Variants in TRAF3IP2 observed in about 807,000 individuals in gnomAD.
TRAF3IP2 encodes TRAF3 interacting protein 2, also known as E3 ubiquitin ligase TRAF3IP2.
Under a neutral mutation model 57.9 loss-of-function variants are expected in TRAF3IP2, and 35 were observed. That is an observed-to-expected ratio of 0.60 (90% CI 0.46 to 0.80). The LOEUF (loss-of-function observed/expected upper bound fraction) is 0.80, where lower values mean the gene tolerates loss of function less well. Among genes scored for constraint, TRAF3IP2 ranks in the 30% least tolerant of loss-of-function variants. TRAF3IP2 has a pLI of 0.00. For synonymous variants in TRAF3IP2, 251 were observed against 268.9 expected (o/e 0.93, Z 0.65); for missense variants, 556 against 706.4 (o/e 0.79, Z 2.41).
At chr6:111,580,113 A>C in intron 3 of TRAF3IP2, 84 bp downstream of exon 3, 9 of 1,501,380 alleles carry the variant, frequency 6.0e-6, no homozygotes, top group African/African-American at 1.4e-5. Flanking sequence ...GCAAACCTAT[A>C]GAGAATTCTG....
chr6:111,577,708 TTTTG>T (rs970725128), intron 3 of TRAF3IP2, among the ~76,000 whole-genome samples: 5 of 149,800 alleles, frequency 3.3e-5, no homozygotes, highest in Admixed American at 2.0e-4. Flanking sequence ...TGTGTGTGTG[TTTTG>T]TTTGTTTTTT....
intron 2 of TRAF3IP2, among the ~76,000 whole-genome samples, chr6:111,581,158 T>C (rs1021561066): frequency 1.3e-5 from 2 of 152,182 alleles, no homozygotes; most frequent in African/African-American, 4.8e-5. Flanking sequence ...GAGTTAAGCA[T>C]AGGAGAGACC....
chr6:111,566,650 C>T (rs1795649184), intron 6 of TRAF3IP2, 90 bp from the exon 7 acceptor site: 3 of 1,103,344 alleles, frequency 2.7e-6, no homozygotes, highest in Admixed American at 3.4e-5. Context: ...GGGCCAGGCT[C>T]ATTCTCCATA....
chr6:111,582,750 G>A (rs1796206659), intron 2 of TRAF3IP2, among the ~76,000 whole-genome samples: 1 of 152,138 alleles, frequency 6.6e-6, no homozygotes, highest in Non-Finnish European at 1.5e-5. Context: ...GCTGTAGCTA[G>A]AACCGTCTTG....
intron 1 of TRAF3IP2, chr6:111,594,524 TG>T: frequency 2.2e-6 from 1 of 453,066 alleles, no homozygotes; most frequent in South Asian, 1.6e-5. Flanking sequence ...AGGAGCCATC[TG>T]GGGGCTTGGA....
rs1466507014 is a variant in TRAF3IP2 at position 111,558,541 on chromosome 6, T to C, written c.*864A>G. 1 of 152,286 alleles carries C rather than the reference T, an allele frequency of 6.6e-6. No individual in the cohort carries two copies. The highest frequency in any genetic ancestry group is 6.5e-5 in the Admixed American group (1 of 15,288). The allele number at this position is 152,286 out of a possible 1,614,324, so 9.4% of individuals were successfully genotyped here. A position where few individuals can be genotyped will look rare whatever the true frequency, so the allele number is the denominator to read the frequency against. On this transcript the variant is annotated 3_prime_UTR_variant, in exon 9 of 9. Transcript: ENST00000368761. Reference sequence around the variant, plus strand: ...TCTGCCTCCCGGGTTCAAGTGATTCTCCTGCCTCAGCCTCCCGAGTAGCTG... The same window carrying C: ...TCTGCCTCCCGGGTTCAAGTGATTCCCCTGCCTCAGCCTCCCGAGTAGCTG...
chr6:111,568,464 T>A (rs201882170), intron 5 of TRAF3IP2, among the ~76,000 whole-genome samples: 10 of 15,066 alleles, frequency 6.6e-4, no homozygotes, highest in African/African-American at 1.7e-3. Flanking sequence ...TGTGTGTGTG[T>A]GTGTGTGTGT....
At chr6:111,567,462 C>T in intron 6 of TRAF3IP2, 162 bp downstream of exon 6, 1 of 1,318,182 alleles carries the variant, frequency 7.6e-7, no homozygotes, top group Non-Finnish European at 9.7e-7. Context: ...CTCCGTCCTT[C>T]CTTTCCAAGT....
rs1040009350 is a variant in TRAF3IP2, at chr6:111,557,949, G to A, written c.*1456C>T. The A allele has an allele frequency of 2.6e-5, 4 of 152,072 alleles. No individual in the cohort carries two copies. Among genetic ancestry groups the A allele is most frequent in the Non-Finnish European group, 5.9e-5 (4 of 68,040 alleles). The allele number at this position is 152,072 out of a possible 1,614,324, so 9.4% of individuals were successfully genotyped here. ...GCAGAAGAATCACTTGAACCCAGGA[G>A]GCGCAGGTTGCAGTGAGCCAAGATT... is the stretch of plus-strand genomic sequence containing the variant. On this transcript the variant is annotated 3_prime_UTR_variant, in exon 9 of 9. Transcript: ENST00000368761.
intron 2 of TRAF3IP2, among the ~76,000 whole-genome samples, chr6:111,585,372 C>T (rs1308569523): frequency 6.6e-6 from 1 of 150,802 alleles, no homozygotes. Flanking sequence ...CTTCACATTA[C>T]AAAGACTCTA....
chr6:111,587,099 G>A (rs1209731869), intron 2 of TRAF3IP2: 1 of 152,152 alleles, frequency 6.6e-6, no homozygotes, highest in African/African-American at 2.4e-5. Flanking sequence ...TCTTCTCTGT[G>A]GTTAGATGGG....
At chr6:111,581,035 A>G (rs1017448348) in intron 2 of TRAF3IP2, among the ~76,000 whole-genome samples, 1 of 152,228 alleles carries the variant, frequency 6.6e-6, no homozygotes, top group African/African-American at 2.4e-5. Context: ...CTGGGCTCAG[A>G]GCAAAGCCAG....
Position 111,605,841 on chromosome 6 carries a change from T to C in TRAF3IP2, c.-74A>G, listed in dbSNP as rs1044039672. ...AGTCGGCTCTCGGCGGCTTCTCGTC[T>C]CCCTCCACCTTCTCCGGGCCCAGGT... On this transcript the variant is annotated 5_prime_UTR_variant, in exon 1 of 9. Transcript: ENST00000368761. 1 of 151,996 alleles carries C rather than the reference T, an allele frequency of 6.6e-6. No homozygotes were observed. Among genetic ancestry groups the C allele is most frequent in the Non-Finnish European group, 1.5e-5 (1 of 67,972 alleles). The allele number at this position is 151,996 out of a possible 1,614,324, so 9.4% of individuals were successfully genotyped here. A position where few individuals can be genotyped will look rare whatever the true frequency, so the allele number is the denominator to read the frequency against.
chr6:111,580,740 C>T lies in TRAF3IP2; in HGVS notation c.830-351G>A, dbSNP rs571304555. ...CTCTTTCACACCACCATTCCTACCA[C>T]AATTTCCTTCATGTCCCGAACCCAA... On this transcript the variant is annotated intron_variant, in intron 2 of 8. Coordinates refer to ENST00000368761, the MANE Select transcript of TRAF3IP2 (RefSeq NM_147686.4). Among the ~76,000 whole-genome samples the T allele has an allele frequency of 1.1e-4, 16 of 152,310 alleles. No individual in the cohort carries two copies. The South Asian group carries it at 3.3e-3, about 32-fold the overall frequency.
At chr6:111,579,078 C>G (rs1020331977) in intron 3 of TRAF3IP2, among the ~76,000 whole-genome samples, 58 of 149,180 alleles carry the variant, frequency 3.9e-4, no homozygotes, top group African/African-American at 1.4e-3. Context: ...TGCCTGCAAT[C>G]CCAGCACTTT....
chr6:111,603,959 G>A (rs1796950998), intron 1 of TRAF3IP2, among the ~76,000 whole-genome samples: 1 of 152,210 alleles, frequency 6.6e-6, no homozygotes, highest in South Asian at 2.1e-4. Context: ...TTAGAGCGAG[G>A]CTGGCAAGTG....
Position 111,557,280 on chromosome 6 carries a change from C to T in TRAF3IP2, c.*2125G>A, listed in dbSNP as rs747702344. 4 of 152,054 alleles carry T rather than the reference C, an allele frequency of 2.6e-5. No individual in the cohort carries two copies. The highest frequency in any genetic ancestry group is 4.4e-5 in the Non-Finnish European group (3 of 68,030). 9.4% of individuals were successfully genotyped at this position (152,054 alleles called of 1,614,324 possible). ...TTGGGCCATAATTAAAGCCATCCCACCTTTATAGTTTACGTAGATTTGATA... is the reference window on the plus strand; with the variant it reads ...TTGGGCCATAATTAAAGCCATCCCATCTTTATAGTTTACGTAGATTTGATA... On this transcript the variant is annotated 3_prime_UTR_variant, in exon 9 of 9. Transcript: ENST00000368761.
At chr6:111,597,807 C>T (rs1463336234) in intron 1 of TRAF3IP2, 2 of 455,650 alleles carry the variant, frequency 4.4e-6, no homozygotes, top group African/African-American at 2.0e-5. Context: ...CTGACCCGAC[C>T]CATTTTTCTG....
Position 111,591,387 on chromosome 6 carries a change from T to C in TRAF3IP2, c.700A>G (p.Arg234Gly), listed in dbSNP as rs1448375117. Reference sequence around the variant, plus strand: ...TGAGGTTCAAACTGAGGGAACTCCCTGGACCTGAGAGGTCTGGGGAGGTCC... The same window carrying C: ...TGAGGTTCAAACTGAGGGAACTCCCCGGACCTGAGAGGTCTGGGGAGGTCC... ...PQDLPRPLRS[R>G]EFPQFEPQRY... Residue 234 changes from arginine to glycine, a missense_variant, in exon 2 of 9, where the codon AGG (arginine) becomes GGG (glycine). By Grantham distance (125) the Arg-to-Gly change is moderately radical (BLOSUM62 -2). Coordinates refer to ENST00000368761, the MANE Select transcript of TRAF3IP2 (RefSeq NM_147686.4). This position sits in a 1 kb window ranked among gnomAD's most constrained non-coding sequence, Gnocchi z 4.9. 2 of 1,550,444 alleles carry C rather than the reference T, an allele frequency of 1.3e-6. No individual in the cohort carries two copies. Among genetic ancestry groups the C allele is most frequent in the Admixed American group, 4.1e-5 (2 of 48,518 alleles).
Sources: allele counts gnomAD v4.1 joint callset (sites outside exome capture counted in the v4.1 genomes callset), GRCh38; gene constraint gnomAD v4.1.1; non-coding constraint Gnocchi (gnomAD v3.1); transcripts MANE v1.5; gene names NCBI Gene and HGNC (gene_info 2026-07-23, HGNC 2026-07-21).